The following FXR1 variants were observed in gnomAD, a reference collection of about 807,000 sequenced individuals.
The protein encoded by FXR1 is FMR1 autosomal homolog 1, also known as RNA-binding protein FXR1.
Under a neutral mutation model 84.0 loss-of-function variants are expected in FXR1, and 15 were observed. That is an observed-to-expected ratio of 0.18 (90% confidence interval 0.12 to 0.27). The LOEUF is 0.27. Among genes scored for constraint, FXR1 ranks in the 10% least tolerant of loss-of-function variants. FXR1 has a pLI of 1.00. For missense variants in FXR1, 480 were observed against 774.4 expected (o/e 0.62, Z 4.51); for synonymous variants, 245 against 250.7 (o/e 0.98, Z 0.21).
chr3:180,956,909 G>A (rs1354539356), intron 9 of FXR1, among the ~76,000 whole-genome samples: 1 of 152,104 alleles, frequency 6.6e-6, no homozygotes, highest in Non-Finnish European at 1.5e-5. Flanking sequence ...TTCAACCAAG[G>A]TTTAAGTTTT....
chr3:180,962,746 G>T, intron 11 of FXR1, 137 bp from the exon 12 acceptor site: 4 of 642,572 alleles, frequency 6.2e-6, no homozygotes, highest in Non-Finnish European at 1.1e-5. Flanking sequence ...CAATTCTGTT[G>T]ACTAGGAACA....
intron 1 of FXR1, among the ~76,000 whole-genome samples, chr3:180,931,691 A>AGAAAAAT (rs1407586288): frequency 6.6e-6 from 1 of 151,480 alleles, no homozygotes; most frequent in Non-Finnish European, 1.5e-5. Context: ...TAATTTGCTT[A>AGAAAAAT]GAAAAATGTC....
Position 180,961,454 on chromosome 3 carries a change from T to G in FXR1, c.991-14T>G, listed in dbSNP as rs3026199. On this transcript the variant is annotated splice_polypyrimidine_tract_variant and intron_variant, in intron 10 of 16. Transcript: ENST00000357559. ...AATATTAAACACTGAATACTTTTTT[T>G]TTTTTTTAAACAGGGTATGGTTCCA... 4 of 1,419,114 alleles carry G rather than the reference T, an allele frequency of 2.8e-6. No homozygotes were observed. The highest frequency in any genetic ancestry group is 4.0e-6 in the Non-Finnish European group (4 of 1,011,054). The allele number at this position is 1,419,114 out of a possible 1,614,324, so 87.9% of individuals were successfully genotyped here.
intron 15 of FXR1, among the ~76,000 whole-genome samples, chr3:180,973,650 A>AGCTT (rs1316308950): frequency 6.6e-6 from 1 of 152,352 alleles, no homozygotes; most frequent in African/African-American, 2.4e-5. Flanking sequence ...AATTTAAATA[A>AGCTT]TTTAAAAAGC....
intron 9 of FXR1, among the ~76,000 whole-genome samples, chr3:180,956,549 T>C (rs1027975961): frequency 3.9e-5 from 6 of 152,160 alleles, no homozygotes; most frequent in African/African-American, 4.8e-5. Flanking sequence ...ATCTTTGTTT[T>C]TCGAAAGACA....
chr3:180,946,595 A>C (rs1270674648), intron 3 of FXR1, among the ~76,000 whole-genome samples: 1 of 152,198 alleles, frequency 6.6e-6, no homozygotes, highest in Non-Finnish European at 1.5e-5. Context: ...ACGGACCCTG[A>C]TTGGTATATT....
chr3:180,970,129 A>T (rs1713345760), intron 14 of FXR1, 29 bp from the exon 15 acceptor site: 8 of 1,263,546 alleles, frequency 6.3e-6, no homozygotes, highest in Middle Eastern at 1.8e-4. Context: ...CTCTTAAACG[A>T]ATATTTCTTG....
At chr3:180,935,427 C>T (rs997861811) in intron 3 of FXR1, among the ~76,000 whole-genome samples, 196 bp downstream of exon 3, 11 of 152,084 alleles carry the variant, frequency 7.2e-5, no homozygotes, top group African/African-American at 2.7e-4. Flanking sequence ...CCATTTTTAG[C>T]TTTGTAGACT....
chr3:180,971,215 CTGCTTTCTAAA>C (rs1158606906), intron 15 of FXR1: 2 of 513,294 alleles, frequency 3.9e-6, no homozygotes, highest in Admixed American at 7.8e-5. Flanking sequence ...ATGTCTATGT[CTGCTTTCTAAA>C]TATATTATAC....
In FXR1 at chr3:180,919,738, A is replaced by G. The variant is rs369951794; in HGVS notation, c.51+7002A>G. On this transcript the variant is annotated intron_variant, in intron 1 of 16. Coordinates refer to ENST00000357559, the MANE Select transcript of FXR1 (RefSeq NM_005087.4). ...GCCCAGACTGGAGTGCAGTGGCGCA[A>G]TCTCAGCTCACTGCAACCTCTGCCT... Among the ~76,000 whole-genome samples the G allele has an allele frequency of 3.0e-4, 45 of 152,172 alleles. 1 individual carries two copies. Among genetic ancestry groups the G allele is most frequent in the African/African-American group, 1.0e-3 (42 of 41,524 alleles).
chr3:180,930,113 A>G (rs1719710102), intron 1 of FXR1, among the ~76,000 whole-genome samples: 1 of 152,204 alleles, frequency 6.6e-6, no homozygotes, highest in Non-Finnish European at 1.5e-5. Flanking sequence ...ATATACAAAA[A>G]TTAGCTGGGC....
chr3:180,956,973 T>TGCTGTCGCTGTTC (rs1231305625), intron 9 of FXR1, among the ~76,000 whole-genome samples: 18 of 152,330 alleles, frequency 1.2e-4, no homozygotes, highest in African/African-American at 4.3e-4. Context: ...ATAACAAATA[T>TGCTGTCGCTGTTC]GCTGTCGCTG....
At chr3:180,914,768 AT>A in intron 1 of FXR1, 1 of 961,498 alleles carries the variant, frequency 1.0e-6, no homozygotes, top group Non-Finnish European at 1.2e-6. Context: ...TCCATTACTC[AT>A]TTTGCCTCAC....
chr3:180,926,506 A>ATATATATTTTT (rs72192827), intron 1 of FXR1, among the ~76,000 whole-genome samples: 12 of 124,372 alleles, frequency 9.6e-5, no homozygotes, highest in Middle Eastern at 4.2e-3. Flanking sequence ...ATATATATAT[A>ATATATATTTTT]TTTTTTTTTC....
intron 1 of FXR1, among the ~76,000 whole-genome samples, chr3:180,925,359 C>G (rs1192762993): frequency 7.8e-6 from 1 of 128,592 alleles, no homozygotes; most frequent in African/African-American, 2.9e-5. Flanking sequence ...GACTCCATCT[C>G]AAAAAAAAAA....
chr3:180,948,880 T>C, intron 6 of FXR1, 66 bp downstream of exon 6: 1 of 799,074 alleles, frequency 1.3e-6, no homozygotes, highest in East Asian at 2.4e-5. Context: ...TAATTACATA[T>C]TTCAGAAGAG....
intron 3 of FXR1, among the ~76,000 whole-genome samples, chr3:180,947,248 T>C (rs1721794734): frequency 6.6e-6 from 1 of 152,128 alleles, no homozygotes; most frequent in Non-Finnish European, 1.5e-5. Context: ...GGGTTTACCG[T>C]GTTGGTCAGC....
At chr3:180,933,252 A>G (rs1720142934) in intron 1 of FXR1, 82 bp from the exon 2 acceptor site, 3 of 799,394 alleles carry the variant, frequency 3.8e-6, no homozygotes, top group East Asian at 2.5e-5. Flanking sequence ...AGTACTCCCT[A>G]TTATCTTTGA....
chr3:180,924,325 G>A (rs189590872), intron 1 of FXR1, among the ~76,000 whole-genome samples: 17 of 152,258 alleles, frequency 1.1e-4, no homozygotes, highest in East Asian at 3.9e-4. Flanking sequence ...CACATAGGTC[G>A]TAGTACCATT....
Sources: gnomAD v4.1 joint callset for allele counts (sites outside exome capture counted in the v4.1 genomes callset) on GRCh38, gnomAD v4.1.1 for gene constraint, MANE v1.5 for transcripts, NCBI Gene and HGNC (gene_info 2026-07-23, HGNC 2026-07-21) for gene names.